PRIM2: variants seen among roughly 807,000 people sequenced by gnomAD.
PRIM2 encodes the protein DNA primase subunit 2.
A neutral mutation model predicts 67.3 loss-of-function variants in PRIM2; 39 were observed. The ratio of observed to expected loss-of-function variants is 0.58; its 90% CI spans 0.45 to 0.76. The LOEUF (loss-of-function observed/expected upper bound fraction) is 0.76, where lower values mean the gene tolerates loss of function less well. Among genes scored for constraint, PRIM2 ranks in the 30% least tolerant of loss-of-function variants. The pLI, the probability that PRIM2 is intolerant of heterozygous loss-of-function variation, is 0.00. For missense variants in PRIM2, 398 were observed against 598.7 expected, an observed-to-expected ratio of 0.66 and a Z score of 3.50; for synonymous variants, 143 against 198.7, an observed-to-expected ratio of 0.72 and a Z score of 2.36.
intron 10 of PRIM2, among the ~76,000 whole-genome samples, chr6:57,551,211 A>T (rs1210491826): frequency 4.6e-5 from 7 of 152,122 alleles, no homozygotes; most frequent in Non-Finnish European, 1.0e-4. Context: ...TGTTGTGGGG[A>T]CCCAGAGAAT....
intron 9 of PRIM2, among the ~76,000 whole-genome samples, chr6:57,534,349 G>T (rs1774955294): frequency 6.6e-6 from 1 of 152,138 alleles, no homozygotes; most frequent in East Asian, 1.9e-4. Context: ...TGAACACCTA[G>T]CTAATGGTCT....
intron 10 of PRIM2, among the ~76,000 whole-genome samples, chr6:57,569,405 T>C (rs2127480954): frequency 6.6e-6 from 1 of 152,364 alleles, no homozygotes; most frequent in African/African-American, 2.4e-5. Flanking sequence ...GTAACTGGCA[T>C]TTGTGAAGAG....
intron 7 of PRIM2, among the ~76,000 whole-genome samples, chr6:57,484,326 A>AT (rs1773695870): frequency 6.6e-6 from 1 of 152,272 alleles, no homozygotes; most frequent in Admixed American, 6.5e-5. Flanking sequence ...AGTAACAGAG[A>AT]TAGGGATTGT....
intron 7 of PRIM2, among the ~76,000 whole-genome samples, chr6:57,424,074 G>A: frequency 6.6e-6 from 1 of 152,202 alleles, no homozygotes; most frequent in East Asian, 1.9e-4. Context: ...GCACAGTTTA[G>A]CCAGCGTGGA....
At chr6:57,224,446 G>A in the PRIM2 span, among the ~76,000 whole-genome samples, 1 of 152,168 alleles carries the variant, frequency 6.6e-6, no homozygotes, top group African/African-American at 2.4e-5. Context: ...AGGGCAGGTG[G>A]GAATGGGGAG....
At chr6:57,495,465 A>G (rs1773982064) in intron 7 of PRIM2, among the ~76,000 whole-genome samples, 1 of 152,166 alleles carries the variant, frequency 6.6e-6, no homozygotes, top group African/African-American at 2.4e-5. Context: ...GTACTAACCA[A>G]ATGAATACTT....
chr6:57,338,723 C>T (rs1329224896), intron 5 of PRIM2, among the ~76,000 whole-genome samples: 1 of 137,580 alleles, frequency 7.3e-6, no homozygotes, highest in Non-Finnish European at 1.6e-5. Context: ...TAAGAGCTAT[C>T]TATGACAAAC....
chr6:57,464,977 G>C (rs1467383164), intron 7 of PRIM2, among the ~76,000 whole-genome samples: 1 of 152,124 alleles, frequency 6.6e-6, no homozygotes, highest in Non-Finnish European at 1.5e-5. Flanking sequence ...TAGGTCCCTA[G>C]TATTTACATC....
At chr6:57,360,665 C>G (rs901974332) in intron 5 of PRIM2, among the ~76,000 whole-genome samples, 1 of 152,084 alleles carries the variant, frequency 6.6e-6, no homozygotes, top group African/African-American at 2.4e-5. Context: ...TTCTGGATAC[C>G]TTAAGCTGTA....
intron 8 of PRIM2, among the ~76,000 whole-genome samples, chr6:57,515,103 G>A (rs1774455183): frequency 6.6e-6 from 1 of 152,120 alleles, no homozygotes; most frequent in African/African-American, 2.4e-5. Flanking sequence ...TAATTATAAA[G>A]TGGTCAACTT....
In PRIM2 at chr6:57,646,332, G is replaced by A. The variant is rs1777334254; in HGVS notation, c.*174G>A. On this transcript the variant is annotated 3_prime_UTR_variant, in exon 14 of 14. Coordinates refer to ENST00000615550, the MANE Select transcript of PRIM2 (RefSeq NM_000947.5). ...TGATCCTCCTACCTCAGCCTCCCAAGTAGTTAGGACCACAGGTGTGCACCT... is the reference window on the plus strand; with the variant it reads ...TGATCCTCCTACCTCAGCCTCCCAAATAGTTAGGACCACAGGTGTGCACCT... The A allele has an allele frequency of 3.3e-6, 2 of 610,406 alleles. No homozygotes were observed. Among genetic ancestry groups the A allele is most frequent in the Admixed American group, 2.9e-5 (1 of 33,960 alleles). The allele number at this position is 610,406 out of a possible 1,614,324, so 37.8% of individuals were successfully genotyped here. A position where few individuals can be genotyped will look rare whatever the true frequency, so the allele number is the denominator to read the frequency against.
chr6:57,270,735 C>G, the PRIM2 span, among the ~76,000 whole-genome samples: 72 of 152,042 alleles, frequency 4.7e-4, 1 homozygote, highest in South Asian at 0.014. Flanking sequence ...TCCAGTTTTT[C>G]TCCATTCAGT....
chr6:57,370,986 C>T (rs1769535063), intron 5 of PRIM2, among the ~76,000 whole-genome samples: 1 of 152,086 alleles, frequency 6.6e-6, no homozygotes, highest in Non-Finnish European at 1.5e-5. Context: ...GCATGAGTGA[C>T]TGCACCCAGC....
At chr6:57,631,249 GA>G (rs1221634416) in intron 12 of PRIM2, among the ~76,000 whole-genome samples, 1 of 152,170 alleles carries the variant, frequency 6.6e-6, no homozygotes, top group East Asian at 1.9e-4. Flanking sequence ...CATAAAAAAG[GA>G]ATAGAAATTA....
intron 7 of PRIM2, among the ~76,000 whole-genome samples, chr6:57,430,397 G>A (rs73749594): frequency 4.0e-5 from 6 of 150,234 alleles, no homozygotes; most frequent in African/African-American, 1.2e-4. Context: ...TATGGAAAAC[G>A]AAAGTAATTT....
the PRIM2 span, among the ~76,000 whole-genome samples, chr6:57,287,244 A>C: frequency 5.1e-4 from 78 of 152,172 alleles, no homozygotes; most frequent in African/African-American, 1.7e-3. Context: ...TTGACCCAGC[A>C]ATCCCATTAC....
At chr6:57,630,430 A>G (rs1307911381) in intron 12 of PRIM2, among the ~76,000 whole-genome samples, 58 of 152,044 alleles carry the variant, frequency 3.8e-4, no homozygotes, top group African/African-American at 1.3e-3. Flanking sequence ...AAAATTTGCA[A>G]TACATCTGTT....
chr6:57,496,921 C>T (rs1554346433), intron 7 of PRIM2, among the ~76,000 whole-genome samples: 1 of 152,106 alleles, frequency 6.6e-6, no homozygotes, highest in Non-Finnish European at 1.5e-5. Flanking sequence ...TCAGCCAACT[C>T]CCAGCCTCAG....
chr6:57,450,093 A>G (rs1191184300), intron 7 of PRIM2, among the ~76,000 whole-genome samples: 2 of 152,198 alleles, frequency 1.3e-5, no homozygotes, highest in Admixed American at 1.3e-4. Flanking sequence ...AACTAAATAT[A>G]AATTTTGTTA....
Sources: allele counts gnomAD v4.1 joint callset (sites outside exome capture counted in the v4.1 genomes callset), GRCh38; gene constraint gnomAD v4.1.1; transcripts MANE v1.5; gene names NCBI Gene and HGNC (gene_info 2026-07-23, HGNC 2026-07-21).